Variants in NAALADL2 observed in about 807,000 individuals in gnomAD.
NAALADL2 encodes N-acetylated alpha-linked acidic dipeptidase like 2, also known as inactive N-acetylated-alpha-linked acidic dipeptidase-like protein 2.
In NAALADL2, 76 loss-of-function variants were observed where a neutral mutation model predicts 87.2. The observed-to-expected ratio is 0.87, with a 90% CI of 0.72 to 1.05. The LOEUF is 1.05. NAALADL2 is among the 50% of genes least tolerant of loss of function. The probability of loss-of-function intolerance (pLI) is 0.00; values close to 1 mark genes in which losing one functional copy is unlikely to be tolerated. For missense variants in NAALADL2, 1,089 were observed against 945.8 expected (o/e 1.15, Z -1.99); for synonymous variants, 354 against 331.0 (o/e 1.07, Z -0.75).
intron 11 of NAALADL2, among the ~76,000 whole-genome samples, chr3:175,645,275 C>T (rs984068805): frequency 1.3e-5 from 2 of 151,904 alleles, no homozygotes; most frequent in African/African-American, 4.8e-5. Context: ...CTACACAGAG[C>T]GAATCTTTAC....
At chr3:175,480,739 A>T (rs960769112) in intron 9 of NAALADL2, among the ~76,000 whole-genome samples, 2 of 151,916 alleles carry the variant, frequency 1.3e-5, no homozygotes, top group African/African-American at 4.8e-5. Context: ...TCCAAAAATA[A>T]TAAGGTATTG....
chr3:175,551,621 C>A (rs549687632), intron 9 of NAALADL2, among the ~76,000 whole-genome samples: 1 of 152,116 alleles, frequency 6.6e-6, no homozygotes, highest in East Asian at 1.9e-4. Context: ...CAAGAGGGGC[C>A]GGGCGCGGTG....
At chr3:175,053,286 C>T (rs1755657577) in intron 1 of NAALADL2, among the ~76,000 whole-genome samples, 1 of 152,272 alleles carries the variant, frequency 6.6e-6, no homozygotes, top group South Asian at 2.1e-4. Flanking sequence ...TGTAGGAATA[C>T]TCATGGCAAT....
At chr3:175,656,222 T>A (rs1234929070) in intron 11 of NAALADL2, among the ~76,000 whole-genome samples, 1 of 152,186 alleles carries the variant, frequency 6.6e-6, no homozygotes, top group Admixed American at 6.5e-5. Flanking sequence ...GAGAGACAGG[T>A]ATAGTCCCAC....
At chr3:175,391,986 G>GGTA (rs1365773846) in intron 5 of NAALADL2, among the ~76,000 whole-genome samples, 1 of 152,114 alleles carries the variant, frequency 6.6e-6, no homozygotes, top group African/African-American at 2.4e-5. Flanking sequence ...CTCCCTATGA[G>GGTA]GTAGGTTCAG....
chr3:175,152,973 A>G (rs1731765969), intron 2 of NAALADL2, among the ~76,000 whole-genome samples: 1 of 152,138 alleles, frequency 6.6e-6, no homozygotes, highest in Admixed American at 6.6e-5. Flanking sequence ...CAGAGAAGCC[A>G]TGAAACTTTA....
intron 12 of NAALADL2, among the ~76,000 whole-genome samples, chr3:175,750,103 CACTG>C (rs1746445737): frequency 6.6e-6 from 1 of 152,162 alleles, no homozygotes; most frequent in Admixed American, 6.5e-5. Flanking sequence ...GAGATTAAGA[CACTG>C]AGCCTCAGAG....
chr3:175,607,802 G>T (rs1412430501), intron 10 of NAALADL2, among the ~76,000 whole-genome samples: 1 of 151,910 alleles, frequency 6.6e-6, no homozygotes, highest in Non-Finnish European at 1.5e-5. Flanking sequence ...TGTTCTGGAT[G>T]AATTTCAAGC....
intron 3 of NAALADL2, among the ~76,000 whole-genome samples, chr3:174,849,758 A>G (rs974980992): frequency 1.3e-5 from 2 of 149,006 alleles, no homozygotes; most frequent in Non-Finnish European, 3.0e-5. Context: ...AAAAAAAAAA[A>G]AGATGCAAAC....
At chr3:175,342,557 G>A (rs1447447865) in intron 5 of NAALADL2, among the ~76,000 whole-genome samples, 2 of 150,018 alleles carry the variant, frequency 1.3e-5, no homozygotes, top group East Asian at 1.9e-4. Context: ...ATAATACAGA[G>A]CTACATTTAT....
At chr3:175,325,010 G>A (rs1760517109) in intron 5 of NAALADL2, among the ~76,000 whole-genome samples, 1 of 151,576 alleles carries the variant, frequency 6.6e-6, no homozygotes, top group African/African-American at 2.4e-5. Context: ...CGGATATTCT[G>A]TTCATTCAAC....
chr3:174,591,086 C>A (rs1324110132), intron 2 of NAALADL2, among the ~76,000 whole-genome samples: 1 of 152,172 alleles, frequency 6.6e-6, no homozygotes, highest in East Asian at 1.9e-4. Context: ...AGGCATTATT[C>A]ATTATCTGAA....
At chr3:175,760,360 C>G (rs939249907) in intron 13 of NAALADL2, among the ~76,000 whole-genome samples, 1 of 152,074 alleles carries the variant, frequency 6.6e-6, no homozygotes, top group Non-Finnish European at 1.5e-5. Context: ...AGCCTCACAG[C>G]CTCTGTTTTC....
At chr3:174,482,266 G>C (rs1391662081) in intron 1 of NAALADL2, among the ~76,000 whole-genome samples, 2 of 152,038 alleles carry the variant, frequency 1.3e-5, no homozygotes, top group Non-Finnish European at 2.9e-5. Context: ...ATGAAGCTTA[G>C]GTTATGTGCC....
At chr3:175,111,560 A>G (rs1474455899) in intron 2 of NAALADL2, among the ~76,000 whole-genome samples, 1 of 151,742 alleles carries the variant, frequency 6.6e-6, no homozygotes, top group African/African-American at 2.4e-5. Context: ...AGCTACTGAC[A>G]TAATTTTTAG....
At chr3:174,978,924 A>G (rs903495391) in intron 1 of NAALADL2, among the ~76,000 whole-genome samples, 1 of 152,214 alleles carries the variant, frequency 6.6e-6, no homozygotes, top group African/African-American at 2.4e-5. Flanking sequence ...ACCAGAAAAT[A>G]TCTGGTGATA....
At chr3:175,731,109 A>C (rs975467090) in intron 11 of NAALADL2, among the ~76,000 whole-genome samples, 8 of 152,182 alleles carry the variant, frequency 5.3e-5, no homozygotes, top group Non-Finnish European at 8.8e-5. Context: ...CAGATAACCA[A>C]CTGAGAGATT....
At chr3:174,483,534 T>G (rs1259370939) in intron 1 of NAALADL2, among the ~76,000 whole-genome samples, 1 of 151,950 alleles carries the variant, frequency 6.6e-6, no homozygotes, top group Admixed American at 6.6e-5. Flanking sequence ...CAAGATGAGA[T>G]TTGGATGGGG....
At chr3:175,154,785 A>T (rs2108802136) in intron 2 of NAALADL2, among the ~76,000 whole-genome samples, 1 of 152,286 alleles carries the variant, frequency 6.6e-6, no homozygotes, top group East Asian at 1.9e-4. Context: ...AGATAAATTA[A>T]ACAAAATATA....
Sources: gnomAD v4.1 joint callset for allele counts (sites outside exome capture counted in the v4.1 genomes callset) on GRCh38, gnomAD v4.1.1 for gene constraint, MANE v1.5 for transcripts, NCBI Gene and HGNC (gene_info 2026-07-23, HGNC 2026-07-21) for gene names.